RNF8: variants seen among roughly 807,000 people sequenced by gnomAD.
The protein encoded by RNF8 is E3 ubiquitin-protein ligase RNF8.
Under a neutral mutation model 59.3 loss-of-function variants are expected in RNF8, and 8 were observed. The ratio of observed to expected loss-of-function variants is 0.13; its 90% CI spans 0.08 to 0.24. The LOEUF is 0.24. Ranked by LOEUF, RNF8 falls within the 10% of genes least tolerant of loss-of-function variation. The pLI is 1.00. For missense variants in RNF8, 406 were observed against 572.6 expected (o/e 0.71, Z 2.97); for synonymous variants, 162 against 200.0 (o/e 0.81, Z 1.60).
chr6:37,363,033 T>C (rs1156429761), intron 2 of RNF8, among the ~76,000 whole-genome samples: 2 of 152,228 alleles, frequency 1.3e-5, no homozygotes, highest in Non-Finnish European at 2.9e-5. Context: ...AGTCACAGTA[T>C]GAAATGCCTT....
intron 7 of RNF8, among the ~76,000 whole-genome samples, chr6:37,389,913 G>C (rs531225121): frequency 2.1e-4 from 32 of 152,338 alleles, no homozygotes; most frequent in Admixed American, 9.1e-4. Flanking sequence ...AACTTCTGTA[G>C]TCCTTTCAAT....
At position 37,369,043 on chromosome 6, in the gene RNF8, A is replaced by G. The variant is rs765778440; in HGVS notation, c.800A>G (p.His267Arg). 3.1e-6 allele frequency: 5 copies of G among 1,614,128 alleles called. No homozygotes were observed. The highest frequency in any genetic ancestry group is 3.3e-5 in the Admixed American group (2 of 60,002). ...CTCAAAATACAGATGCAGGAAAAAC[A>G]TGAAGCCGTTATGAATGTGAAAAAG... is the stretch of plus-strand genomic sequence containing the variant. ...LRLKIQMQEKHEAVMNVKKQT... is the reference protein window; with the variant it reads ...LRLKIQMQEKREAVMNVKKQT... Residue 267 changes from histidine to arginine, a missense_variant, in exon 3 of 8, where the codon CAT becomes CGT. Physicochemically the swap from His to Arg is conservative, Grantham distance 29. Around this residue, in one of 3 missense-constraint regions of RNF8, gnomAD observed 285 missense variants for 342.0 expected, o/e 0.83. Transcript: ENST00000373479.
chr6:37,373,747 C>T lies in RNF8; in HGVS notation c.1039-873C>T, dbSNP rs374974009. The stretch of plus-strand genomic sequence containing the variant: ...TTTTATAGATGAGAAAGTTAAAATA[C>T]ACATATCTAATTAGTGTGTCAAGTT... On this transcript the variant is annotated intron_variant, in intron 4 of 7. Transcript: ENST00000373479. Among the ~76,000 whole-genome samples, 10 of 152,280 alleles carry T rather than the reference C, an allele frequency of 6.6e-5. No individual in the cohort carries two copies. The East Asian group carries it at 1.3e-3, about 21-fold the overall frequency.
intron 4 of RNF8, among the ~76,000 whole-genome samples, chr6:37,371,866 T>G (rs1305495923): frequency 6.6e-6 from 1 of 152,174 alleles, no homozygotes; most frequent in Non-Finnish European, 1.5e-5. Flanking sequence ...GCTCCACTTC[T>G]AGAAAGGTGA....
chr6:37,354,066 C>G lies in RNF8; in HGVS notation c.-99C>G. On this transcript the variant is annotated 5_prime_UTR_variant, in exon 1 of 8. Transcript: ENST00000373479. ...GCGAGCGTGTGGCGATTGCTTCTGT[C>G]TGTTATTTAGATATGGAAGCTGAGG... The G allele has an allele frequency of 3.0e-6, 3 of 998,520 alleles. No homozygotes were observed. Among genetic ancestry groups the G allele is most frequent in the South Asian group, 1.4e-5 (1 of 72,342 alleles). 61.9% of individuals were successfully genotyped at this position (998,520 alleles called of 1,614,324 possible).
At position 37,369,347 on chromosome 6, in the gene RNF8, T is replaced by A. The variant is rs1002327740; in HGVS notation, c.975+129T>A. The A allele has an allele frequency of 7.9e-6, 9 of 1,136,696 alleles. No homozygotes were observed. In the African/African-American group the frequency reaches 1.3e-4, roughly 16 times the overall value. The allele number at this position is 1,136,696 out of a possible 1,614,324, so 70.4% of individuals were successfully genotyped here. A position where few individuals can be genotyped will look rare whatever the true frequency, so the allele number is the denominator to read the frequency against. Reference sequence around the variant, plus strand: ...TGAGCACCAAAGACAGGAAATGGAATGGGAACAGTAAACTTTTGAGATAAG... The same window carrying A: ...TGAGCACCAAAGACAGGAAATGGAAAGGGAACAGTAAACTTTTGAGATAAG... On this transcript the variant is annotated intron_variant, in intron 3 of 7. Coordinates refer to ENST00000373479, the MANE Select transcript of RNF8 (RefSeq NM_003958.4).
rs1296441784 is a variant in RNF8, at chr6:37,393,099, C to T, written c.*2341C>T. On this transcript the variant is annotated 3_prime_UTR_variant, in exon 8 of 8. Transcript: ENST00000373479. ...CACATCCCTCTCAAGTGTTCCACAA[C>T]ATCTAGGAAAGTGAGCTCTTAAAGA... is the stretch of plus-strand genomic sequence containing the variant. The T allele has an allele frequency of 6.5e-6, 1 of 153,602 alleles. No individual in the cohort carries two copies. Among genetic ancestry groups the T allele is most frequent in the East Asian group, 1.9e-4 (1 of 5,260 alleles). The allele number at this position is 153,602 out of a possible 1,614,324, so 9.5% of individuals were successfully genotyped here. A position where few individuals can be genotyped will look rare whatever the true frequency, so the allele number is the denominator to read the frequency against.
At chr6:37,362,761 A>G (rs2113816955) in intron 2 of RNF8, among the ~76,000 whole-genome samples, 1 of 152,378 alleles carries the variant, frequency 6.6e-6, no homozygotes, top group South Asian at 2.1e-4. Flanking sequence ...GTTTCTAACA[A>G]GTTAAAAACT....
At chr6:37,366,586 A>T (rs1346751896) in intron 2 of RNF8, among the ~76,000 whole-genome samples, 1 of 152,228 alleles carries the variant, frequency 6.6e-6, no homozygotes, top group African/African-American at 2.4e-5. Flanking sequence ...CAAGTAATGG[A>T]AGATAAAACT....
chr6:37,354,141 A>G lies in RNF8; in HGVS notation c.-24A>G. 6.4e-7 allele frequency: 1 copy of G among 1,557,256 alleles called. No homozygotes were observed. Among genetic ancestry groups the G allele is most frequent in the South Asian group, 1.2e-5 (1 of 84,494 alleles). On this transcript the variant is annotated 5_prime_UTR_variant, in exon 1 of 8. An upstream open reading frame in the 5' UTR loses its in-frame stop. Transcript: ENST00000373479. ...TAGGTCAGGGTCTCGCTCGGTGCTG[A>G]CCGCCCCCGGGGTCGAGTAGGCGAT...
In RNF8 at chr6:37,381,174, A is replaced by G; in HGVS notation, c.1261A>G (p.Ser421Gly). The G allele has an allele frequency of 1.2e-6, 2 of 1,614,222 alleles. No individual in the cohort carries two copies. The highest frequency in any genetic ancestry group is 1.7e-6 in the Non-Finnish European group (2 of 1,180,038). Residue 421 changes from serine (S) to glycine (G), a missense_variant, in exon 7 of 8, where the codon AGT becomes GGT. Transcript: ENST00000373479. Reference protein sequence around the residue: ...IEAVTLNCAHSFCSYCINEWM... With the variant: ...IEAVTLNCAHGFCSYCINEWM... ...GGCTGTCACCTTGAACTGTGCCCAC[A>G]GTTTCTGCTCCTACTGTATCAATGA... is the stretch of plus-strand genomic sequence containing the variant.
At chr6:37,358,346 G>T (rs1289068237) in intron 1 of RNF8, among the ~76,000 whole-genome samples, 1 of 152,180 alleles carries the variant, frequency 6.6e-6, no homozygotes, top group Non-Finnish European at 1.5e-5. Context: ...GAAGGAAAAT[G>T]ACCTGATTTA....
intron 1 of RNF8, 37 bp downstream of exon 1, chr6:37,354,312 G>T (rs1769026481): frequency 7.4e-6 from 11 of 1,485,788 alleles, no homozygotes; most frequent in African/African-American, 1.4e-5. Context: ...GGAGGGCAGG[G>T]GCTGGAGGGA....
At chr6:37,354,562 G>T (rs928747673) in intron 1 of RNF8, among the ~76,000 whole-genome samples, 1 of 152,130 alleles carries the variant, frequency 6.6e-6, no homozygotes, top group Non-Finnish European at 1.5e-5. Context: ...AGCCCGGGGG[G>T]GCCACAAGGG....
At chr6:37,381,415 C>A in intron 7 of RNF8, 61 bp downstream of exon 7, 5 of 1,452,628 alleles carry the variant, frequency 3.4e-6, no homozygotes, top group Non-Finnish European at 3.8e-6. Flanking sequence ...CAAACTTCAA[C>A]AAATATTTTT....
intron 7 of RNF8, among the ~76,000 whole-genome samples, chr6:37,388,420 G>A (rs556559974): frequency 6.6e-6 from 1 of 152,334 alleles, no homozygotes; most frequent in South Asian, 2.1e-4. Flanking sequence ...ATTTGAATGT[G>A]TGGATCTGGA....
chr6:37,390,632 C>G, intron 7 of RNF8, 110 bp from the exon 8 acceptor site: 1 of 740,232 alleles, frequency 1.4e-6, no homozygotes, highest in Non-Finnish European at 2.3e-6. Context: ...TCTCAGTTCG[C>G]TATGGCTGCT....
chr6:37,369,036 G>GA lies in RNF8; in HGVS notation c.798dup (p.His267ThrfsTer2). On this transcript the variant is annotated frameshift_variant, in exon 3 of 8. Coordinates refer to ENST00000373479, the MANE Select transcript of RNF8 (RefSeq NM_003958.4). LOFTEE classifies it high-confidence loss of function. ...TCTGAGGCTCAAAATACAGATGCAG[G>GA]AAAAACATGAAGCCGTTATGAATGT... is the stretch of plus-strand genomic sequence containing the variant. 1 of 1,614,180 alleles carries GA rather than the reference G, an allele frequency of 6.2e-7. No individual in the cohort carries two copies. The highest frequency in any genetic ancestry group is 8.5e-7 in the Non-Finnish European group (1 of 1,180,038).
chr6:37,364,236 T>C (rs1284086230), intron 2 of RNF8, among the ~76,000 whole-genome samples: 1 of 147,908 alleles, frequency 6.8e-6, no homozygotes, highest in Non-Finnish European at 1.5e-5. Context: ...GAATACATAT[T>C]ATATGATGCC....
Sources: allele counts gnomAD v4.1 joint callset (sites outside exome capture counted in the v4.1 genomes callset), GRCh38; gene constraint gnomAD v4.1.1; regional missense constraint gnomAD v4.1.1; transcripts MANE v1.5; gene names NCBI Gene and HGNC (gene_info 2026-07-23, HGNC 2026-07-21).